The following ANO4 variants were observed in gnomAD, a reference collection of about 807,000 sequenced individuals.
The protein encoded by ANO4 is anoctamin 4.
In ANO4, 69 loss-of-function variants were observed where a neutral mutation model predicts 141.9. The ratio of observed to expected loss-of-function variants is 0.49; its 90% CI spans 0.40 to 0.59. The LOEUF is 0.59. ANO4 is among the 20% of genes least tolerant of loss of function. ANO4 has a pLI of 0.00. For missense variants in ANO4, 894 were observed against 1,162.2 expected (o/e 0.77, Z 3.36); for synonymous variants, 350 against 394.3 (o/e 0.89, Z 1.33).
chr12:100,730,195 A>T (rs938139861), intron 1 of ANO4, among the ~76,000 whole-genome samples: 1 of 152,160 alleles, frequency 6.6e-6, no homozygotes. Context: ...ACTTAGTTTG[A>T]TATGTTTTAA....
intron 8 of ANO4, among the ~76,000 whole-genome samples, chr12:100,988,361 A>G (rs2044826114): frequency 6.6e-6 from 1 of 152,016 alleles, no homozygotes; most frequent in Non-Finnish European, 1.5e-5. Context: ...GAGGACAGAA[A>G]AGCCTGCCGT....
At chr12:100,980,609 GAAAC>G (rs987871335) in intron 7 of ANO4, among the ~76,000 whole-genome samples, 1 of 152,144 alleles carries the variant, frequency 6.6e-6, no homozygotes, top group East Asian at 1.9e-4. Context: ...AAGCATCTCT[GAAAC>G]AAACCTATTC....
intron 7 of ANO4, among the ~76,000 whole-genome samples, chr12:100,983,973 A>G (rs2044597160): frequency 6.6e-6 from 1 of 152,198 alleles, no homozygotes; most frequent in South Asian, 2.1e-4. Flanking sequence ...AAGTGCACAC[A>G]GCATGCACAG....
At chr12:100,742,173 T>C (rs972759020) in intron 3 of ANO4, among the ~76,000 whole-genome samples, 1 of 152,166 alleles carries the variant, frequency 6.6e-6, no homozygotes, top group Admixed American at 6.5e-5. Flanking sequence ...TCCAAATATA[T>C]ACTACACAAG....
chr12:101,127,265 A>C (rs1368941083), intron 27 of ANO4, among the ~76,000 whole-genome samples, 191 bp downstream of exon 27: 2 of 152,124 alleles, frequency 1.3e-5, no homozygotes, highest in Non-Finnish European at 2.9e-5. Context: ...CCCCTCCCAC[A>C]TACCTTCTGC....
intron 15 of ANO4, among the ~76,000 whole-genome samples, chr12:101,079,767 T>C (rs1362622243): frequency 1.3e-5 from 2 of 152,136 alleles, no homozygotes; most frequent in Non-Finnish European, 2.9e-5. Context: ...AGCGGCCACC[T>C]TGGGAGACGT....
In ANO4 at chr12:101,066,842, G is replaced by A. The variant is rs941696359; in HGVS notation, c.1313-12351G>A. 77 of 1,391,378 alleles carry A rather than the reference G, an allele frequency of 5.5e-5. 3 individuals are homozygous for A. The highest frequency in any genetic ancestry group is 4.6e-4 in the South Asian group (40 of 86,638). 86.2% of individuals were successfully genotyped at this position (1,391,378 alleles called of 1,614,324 possible). A position where few individuals can be genotyped will look rare whatever the true frequency, so the allele number is the denominator to read the frequency against. ...TCCCTCACTTCAGATTGACATACCT[G>A]ATGCGCTCAGTGAGAGAGATAAGGT... is the stretch of plus-strand genomic sequence containing the variant. On this transcript the variant is annotated intron_variant, in intron 14 of 27. Coordinates refer to ENST00000392977, the MANE Select transcript of ANO4 (RefSeq NM_001286615.2).
chr12:100,726,044 G>A (rs934979076), intron 1 of ANO4, among the ~76,000 whole-genome samples: 1 of 152,200 alleles, frequency 6.6e-6, no homozygotes, highest in Admixed American at 6.5e-5. Flanking sequence ...ACCTCGTGAT[G>A]TGAAAGCCAC....
intron 3 of ANO4, among the ~76,000 whole-genome samples, chr12:100,788,215 A>T (rs2033933268): frequency 6.6e-6 from 1 of 152,184 alleles, no homozygotes; most frequent in Non-Finnish European, 1.5e-5. Context: ...CCCTGAAGTC[A>T]TTTGTGCTAG....
chr12:100,952,269 T>A (rs1456432390), intron 5 of ANO4, among the ~76,000 whole-genome samples: 1 of 152,256 alleles, frequency 6.6e-6, no homozygotes, highest in East Asian at 1.9e-4. Context: ...TGAATAACTG[T>A]GTAAAGCTTT....
chr12:101,069,690 CCT>C (rs1213093998), intron 14 of ANO4, among the ~76,000 whole-genome samples: 2 of 152,122 alleles, frequency 1.3e-5, no homozygotes, highest in Non-Finnish European at 2.9e-5. Flanking sequence ...TGTTTTGCCC[CCT>C]GTTACTCCCC....
chr12:100,923,692 C>T (rs1240193333), intron 3 of ANO4, among the ~76,000 whole-genome samples: 2 of 152,050 alleles, frequency 1.3e-5, no homozygotes, highest in African/African-American at 2.4e-5. Context: ...TCTAGTTCTA[C>T]CTCCTTGAGG....
intron 25 of ANO4, among the ~76,000 whole-genome samples, chr12:101,119,663 G>C (rs918184567): frequency 1.6e-4 from 24 of 152,110 alleles, no homozygotes; most frequent in African/African-American, 5.5e-4. Context: ...TTTCTATAAA[G>C]TTCAAAAACA....
At chr12:100,727,875 C>T (rs1019386962) in intron 1 of ANO4, among the ~76,000 whole-genome samples, 3 of 152,080 alleles carry the variant, frequency 2.0e-5, no homozygotes, top group African/African-American at 7.2e-5. Context: ...TCTATTTCTG[C>T]TGTTTTAATA....
At chr12:101,046,538 A>G (rs149321474) in intron 13 of ANO4, among the ~76,000 whole-genome samples, 517 of 152,184 alleles carry the variant, frequency 3.4e-3, no homozygotes, top group Non-Finnish European at 5.5e-3. Context: ...ATAACCTCCC[A>G]TCTCCCCTGA....
chr12:100,803,222 C>A (rs1007020543), intron 1 of ANO4, among the ~76,000 whole-genome samples: 3 of 152,042 alleles, frequency 2.0e-5, no homozygotes, highest in Non-Finnish European at 4.4e-5. Context: ...AACTCCAACC[C>A]CGGGAGCAGA....
rs59483191 is a variant in ANO4 at position 101,011,318 on chromosome 12, C to CTTTT, written c.735-8702_735-8699dup. On this transcript the variant is annotated intron_variant, in intron 8 of 27. Coordinates refer to ENST00000392977, the MANE Select transcript of ANO4 (RefSeq NM_001286615.2). ...CATAGGAGGAATCATGGCCTTTTTT[C>CTTTT]TTTTTTTTTTTTTTTTTGCAATCTA... Among the ~76,000 whole-genome samples the CTTTT allele has an allele frequency of 8.1e-5, 9 of 110,686 alleles. 3 individuals carry two copies. Among genetic ancestry groups the CTTTT allele is most frequent in the Non-Finnish European group, 7.8e-5 (4 of 51,388 alleles). The allele number at this position is 110,686 out of a possible 152,430, so 72.6% of individuals were successfully genotyped here. A position where few individuals can be genotyped will look rare whatever the true frequency, so the allele number is the denominator to read the frequency against.
chr12:100,935,098 G>A (rs1017858525), intron 3 of ANO4, among the ~76,000 whole-genome samples: 4 of 152,116 alleles, frequency 2.6e-5, no homozygotes, highest in African/African-American at 9.7e-5. Flanking sequence ...TCTCCTGCCT[G>A]ATTGCCCTGG....
At chr12:100,801,311 A>C (rs1211451495) in intron 1 of ANO4, among the ~76,000 whole-genome samples, 1 of 152,142 alleles carries the variant, frequency 6.6e-6, no homozygotes, top group Non-Finnish European at 1.5e-5. Flanking sequence ...TTTCAAACCA[A>C]TGTGACTATG....
Sources: allele counts gnomAD v4.1 joint callset (sites outside exome capture counted in the v4.1 genomes callset), GRCh38; gene constraint gnomAD v4.1.1; transcripts MANE v1.5; gene names NCBI Gene and HGNC (gene_info 2026-07-23, HGNC 2026-07-21).